The following CAPN5 variants were observed in gnomAD, a reference collection of about 807,000 sequenced individuals.
CAPN5 encodes calpain-5.
A neutral mutation model predicts 73.0 loss-of-function variants in CAPN5; 54 were observed. The ratio of observed to expected loss-of-function variants is 0.74; its 90% CI spans 0.59 to 0.93. The LOEUF is 0.93. Ranked by LOEUF, CAPN5 falls within the 40% of genes least tolerant of loss-of-function variation. CAPN5 has a pLI of 0.00. For synonymous variants in CAPN5, 335 were observed against 356.9 expected, an observed-to-expected ratio of 0.94 and a Z score of 0.69; for missense variants, 785 against 882.9, an observed-to-expected ratio of 0.89 and a Z score of 1.41.
chr11:77,085,012 G>A lies in CAPN5; in HGVS notation c.126G>A (p.Lys42=), dbSNP rs782407258. 2 of 1,613,662 alleles carry A rather than the reference G, an allele frequency of 1.2e-6. No individual in the cohort carries two copies. Among genetic ancestry groups the A allele is most frequent in the East Asian group, 4.5e-5 (2 of 44,882 alleles). ...FPATDDSLYY[K]GTPGPAVRWK... ...CCACTGACGACTCACTCTACTATAA[G>A]GGCACGCCGGGGCCCGCCGTCAGGT... The change falls in exon 2 of 13, where the codon AAG becomes AAA. Residue 42 remains lysine (K), a synonymous_variant. Coordinates refer to ENST00000648180, the MANE Select transcript of CAPN5 (RefSeq NM_004055.5).
chr11:77,084,359 C>T (rs962947729), intron 1 of CAPN5, among the ~76,000 whole-genome samples: 40 of 152,102 alleles, frequency 2.6e-4, no homozygotes, highest in Admixed American at 2.6e-4. Context: ...CGGGGAGGAC[C>T]GGAGAGAATG....
intron 4 of CAPN5, among the ~76,000 whole-genome samples, chr11:77,113,947 CAGT>C (rs1950438586): frequency 6.6e-6 from 1 of 152,138 alleles, no homozygotes; most frequent in Non-Finnish European, 1.5e-5. Flanking sequence ...ACCCATCCGA[CAGT>C]AACTCCTTCC....
chr11:77,099,959 C>G (rs1255812323), intron 3 of CAPN5, among the ~76,000 whole-genome samples: 7 of 152,112 alleles, frequency 4.6e-5, no homozygotes, highest in African/African-American at 1.7e-4. Context: ...GCCTCAGCCT[C>G]CTGAGTAGCT....
intron 2 of CAPN5, among the ~76,000 whole-genome samples, chr11:77,085,502 A>G (rs143811104): frequency 5.8e-4 from 89 of 152,328 alleles, no homozygotes; most frequent in African/African-American, 2.0e-3. Flanking sequence ...TGATTAATCA[A>G]TAATAATAAT....
intron 2 of CAPN5, 85 bp downstream of exon 2, chr11:77,085,136 G>A: frequency 1.6e-6 from 2 of 1,215,174 alleles, no homozygotes; most frequent in Non-Finnish European, 2.4e-6. Context: ...CGGGGTGGTG[G>A]GAGGAGGCAT....
chr11:77,108,517 G>C (rs1010751897), intron 3 of CAPN5, among the ~76,000 whole-genome samples: 1 of 152,100 alleles, frequency 6.6e-6, no homozygotes, highest in African/African-American at 2.4e-5. Context: ...TGGACTGCCG[G>C]GCCAGGTGGC....
At chr11:77,113,209 G>A (rs963930913) in intron 4 of CAPN5, among the ~76,000 whole-genome samples, 1 of 152,220 alleles carries the variant, frequency 6.6e-6, no homozygotes, top group Non-Finnish European at 1.5e-5. Flanking sequence ...TGCCTTCCCC[G>A]CCTGCTGGGC....
chr11:77,112,959 C>T, intron 4 of CAPN5, 162 bp downstream of exon 4: 1 of 681,304 alleles, frequency 1.5e-6, no homozygotes, highest in Non-Finnish European at 2.5e-6. Flanking sequence ...GCATAGTCAG[C>T]TGAGCCTGTG....
In CAPN5 at chr11:77,100,928, G is replaced by A. The variant is rs963698837; in HGVS notation, c.297+7115G>A. Among the ~76,000 whole-genome samples the A allele has an allele frequency of 4.6e-5, 7 of 152,080 alleles. No homozygotes were observed. The East Asian group carries it at 5.8e-4, about 13-fold the overall frequency. ...TGCTGCCATGCCACAGCCCGGGCCC[G>A]GAACTGCTCTCCCTGGAGGTCTTCA... On this transcript the variant is annotated intron_variant, in intron 3 of 12. Coordinates refer to ENST00000648180, the MANE Select transcript of CAPN5 (RefSeq NM_004055.5).
At chr11:77,122,955 G>A (rs1591152400) in intron 12 of CAPN5, among the ~76,000 whole-genome samples, 1 of 152,218 alleles carries the variant, frequency 6.6e-6, no homozygotes, top group South Asian at 2.1e-4. Flanking sequence ...CCATCTCCTG[G>A]CTGGGGACAG....
chr11:77,074,175 C>G (rs1410461825), intron 1 of CAPN5, among the ~76,000 whole-genome samples: 2 of 152,224 alleles, frequency 1.3e-5, no homozygotes, highest in African/African-American at 4.8e-5. Flanking sequence ...AGTTTCTGCC[C>G]TTTCTAGTCC....
chr11:77,090,940 G>T (rs1376513620), intron 2 of CAPN5, among the ~76,000 whole-genome samples: 5 of 152,096 alleles, frequency 3.3e-5, no homozygotes, highest in African/African-American at 9.7e-5. Context: ...GGTGCCGTTG[G>T]GGATGGATGA....
chr11:77,093,360 C>T (rs998788620), intron 2 of CAPN5, among the ~76,000 whole-genome samples: 12 of 152,188 alleles, frequency 7.9e-5, no homozygotes, highest in African/African-American at 1.9e-4. Flanking sequence ...AGGGGCGCAG[C>T]GGGTAGGAGG....
chr11:77,093,759 C>G lies in CAPN5; in HGVS notation c.243C>G (p.Cys81Trp). 6.2e-7 allele frequency: 1 copy of G among 1,612,462 alleles called. No individual in the cohort carries two copies. Among genetic ancestry groups the G allele is most frequent in the Non-Finnish European group, 8.5e-7 (1 of 1,179,976 alleles). The change falls in exon 3 of 13, where the codon TGC becomes TGG. Residue 81 changes from cysteine (C) to tryptophan (W), a missense_variant. Coordinates refer to ENST00000648180, the MANE Select transcript of CAPN5 (RefSeq NM_004055.5). ...TGCACCAGGGCCAGGTGGGCAACTG[C>G]TGGTTTGTGGCAGCCTGCTCGTCAC... ...HDLHQGQVGN[C>W]WFVAACSSLA...
intron 1 of CAPN5, among the ~76,000 whole-genome samples, chr11:77,082,837 C>T (rs1555034812): frequency 6.6e-6 from 1 of 152,242 alleles, no homozygotes. Flanking sequence ...CGAGCTTCCT[C>T]TCCCTCTCTG....
chr11:77,069,166 C>T (rs1047732177), intron 1 of CAPN5, among the ~76,000 whole-genome samples: 4 of 152,138 alleles, frequency 2.6e-5, no homozygotes, highest in African/African-American at 9.7e-5. Context: ...GACCTTGAGG[C>T]GGAGAACTTC....
chr11:77,114,774 C>G (rs1950449265), intron 5 of CAPN5, among the ~76,000 whole-genome samples: 1 of 152,138 alleles, frequency 6.6e-6, no homozygotes, highest in Admixed American at 6.5e-5. Context: ...TTTAGCAGAC[C>G]CTGTGCTGTG....
At chr11:77,090,099 G>C (rs1950133829) in intron 2 of CAPN5, among the ~76,000 whole-genome samples, 1 of 152,168 alleles carries the variant, frequency 6.6e-6, no homozygotes, top group South Asian at 2.1e-4. Flanking sequence ...CAGGTGCCCA[G>C]TCATTGTGAG....
At chr11:77,110,598 G>C (rs1950402272) in intron 3 of CAPN5, among the ~76,000 whole-genome samples, 1 of 152,240 alleles carries the variant, frequency 6.6e-6, no homozygotes. Flanking sequence ...CCTTCCGGTA[G>C]TATTGCCTCA....
Sources: gnomAD v4.1 joint callset for allele counts (sites outside exome capture counted in the v4.1 genomes callset) on GRCh38, gnomAD v4.1.1 for gene constraint, MANE v1.5 for transcripts, NCBI Gene and HGNC (gene_info 2026-07-23, HGNC 2026-07-21) for gene names.